CNOT6: variants seen among roughly 807,000 people sequenced by gnomAD.
CNOT6 encodes carbon catabolite repression 4 protein.
In CNOT6, 12 loss-of-function variants were observed where a neutral mutation model predicts 61.2. That is an observed-to-expected ratio of 0.20 (90% CI 0.13 to 0.32). The LOEUF (loss-of-function observed/expected upper bound fraction) is 0.32, where lower values mean the gene tolerates loss of function less well. CNOT6 is among the 10% of genes least tolerant of loss of function. The pLI is 1.00. For missense variants in CNOT6, 405 were observed against 663.9 expected (o/e 0.61, Z 4.28); for synonymous variants, 225 against 240.6 (o/e 0.94, Z 0.60).
At chr5:180,495,072 G>A (rs961405281) in intron 1 of CNOT6, among the ~76,000 whole-genome samples, 1 of 152,198 alleles carries the variant, frequency 6.6e-6, no homozygotes, top group African/African-American at 2.4e-5. Flanking sequence ...TGCCGTCGTC[G>A]GAGGAGGCGA....
intron 2 of CNOT6, among the ~76,000 whole-genome samples, chr5:180,542,254 G>A (rs972925118): frequency 1.3e-5 from 2 of 151,268 alleles, no homozygotes; most frequent in African/African-American, 4.9e-5. Context: ...TGGGTTTCTG[G>A]TTTGGGCTAC....
At chr5:180,535,417 A>T (rs1758632766) in intron 2 of CNOT6, among the ~76,000 whole-genome samples, 1 of 152,038 alleles carries the variant, frequency 6.6e-6, no homozygotes, top group African/African-American at 2.4e-5. Flanking sequence ...TCGGTATTTG[A>T]CTGTTTCTGA....
intron 2 of CNOT6, among the ~76,000 whole-genome samples, chr5:180,544,761 C>G (rs1211836959): frequency 1.3e-5 from 2 of 152,124 alleles, no homozygotes; most frequent in Non-Finnish European, 2.9e-5. Flanking sequence ...TTAGGCATAC[C>G]CTTCCCCTCT....
At position 180,564,723 on chromosome 5, in the gene CNOT6, C is replaced by T. The variant is rs1283764834; in HGVS notation, c.539C>T (p.Pro180Leu). The change falls in exon 6 of 12, where the codon CCA becomes CTA. Residue 180 changes from proline (P) to leucine (L), a missense_variant. By Grantham distance (98) the Pro-to-Leu change is moderately conservative. This residue lies in a region of CNOT6 where 212 missense variants were observed against 307.1 expected (regional missense o/e 0.69). Coordinates refer to ENST00000261951, the MANE Select transcript of CNOT6 (RefSeq NM_001370472.1). The part of the protein sequence containing the change: ...PPRSWIMLQE[P>L]DRTRPTALFS... The stretch of plus-strand genomic sequence containing the variant: ...AGGTCTTGGATTATGTTACAAGAAC[C>T]AGATAGGACAAGGCCAACTGGTTGG... 11 of 1,613,796 alleles carry T rather than the reference C, an allele frequency of 6.8e-6. No homozygotes were observed. The highest frequency in any genetic ancestry group is 9.3e-6 in the Non-Finnish European group (11 of 1,179,680).
chr5:180,511,468 G>A (rs1192424718), intron 1 of CNOT6, among the ~76,000 whole-genome samples: 17 of 152,090 alleles, frequency 1.1e-4, no homozygotes, highest in Admixed American at 6.5e-4. Flanking sequence ...AATATTAGCC[G>A]GGTGTGGTGG....
At chr5:180,514,913 T>G (rs567746558) in intron 1 of CNOT6, among the ~76,000 whole-genome samples, 1 of 152,272 alleles carries the variant, frequency 6.6e-6, no homozygotes, top group South Asian at 2.1e-4. Context: ...TGCTAGGCAT[T>G]ACACAAGACA....
chr5:180,540,646 T>C (rs1163789331), intron 2 of CNOT6, among the ~76,000 whole-genome samples: 1 of 152,244 alleles, frequency 6.6e-6, no homozygotes, highest in Admixed American at 6.5e-5. Context: ...GGTTGAGTTA[T>C]GATGTTTGGT....
intron 7 of CNOT6, 55 bp from the exon 8 acceptor site, chr5:180,567,033 A>G: frequency 6.7e-7 from 1 of 1,484,186 alleles, no homozygotes; most frequent in Non-Finnish European, 9.2e-7. Context: ...ATAGAAGTTA[A>G]TATGCAGACT....
chr5:180,570,002 AACAC>A (rs150524720), intron 10 of CNOT6, among the ~76,000 whole-genome samples: 14 of 152,216 alleles, frequency 9.2e-5, no homozygotes, highest in East Asian at 1.9e-4. Flanking sequence ...TGTACGCATG[AACAC>A]ACACACACGC....
intron 1 of CNOT6, among the ~76,000 whole-genome samples, chr5:180,514,338 C>T (rs1757538316): frequency 6.6e-6 from 1 of 152,146 alleles, no homozygotes; most frequent in Admixed American, 6.5e-5. Context: ...AGGAGAATTG[C>T]TTGAAGCTGG....
At chr5:180,530,898 T>G (rs367897938) in intron 2 of CNOT6, among the ~76,000 whole-genome samples, 2 of 148,140 alleles carry the variant, frequency 1.4e-5, no homozygotes, top group African/African-American at 5.0e-5. Context: ...GGTTATAGAT[T>G]AACAGCATCC....
chr5:180,536,401 T>TAA (rs1182642586), intron 2 of CNOT6, among the ~76,000 whole-genome samples: 1 of 152,186 alleles, frequency 6.6e-6, no homozygotes, highest in Non-Finnish European at 1.5e-5. Flanking sequence ...TCTGTAGTGT[T>TAA]AATTATCATT....
chr5:180,550,152 T>C (rs759805989), intron 3 of CNOT6, 35 bp downstream of exon 3: 2 of 1,568,122 alleles, frequency 1.3e-6, no homozygotes, highest in Non-Finnish European at 8.8e-7. Context: ...ACTAGCTATA[T>C]GACCCCTAAA....
At position 180,569,598 on chromosome 5, in the gene CNOT6, G is replaced by A. The variant is rs76921322; in HGVS notation, c.1258+258G>A. The stretch of plus-strand genomic sequence containing the variant: ...AACGTGAAATAACTCTTTAAAGAAC[G>A]TATGTAGTTCCATTTTATTACTCCA... On this transcript the variant is annotated intron_variant, in intron 10 of 11. Transcript: ENST00000261951. Among the ~76,000 whole-genome samples, 387 of 152,240 alleles carry A rather than the reference G, an allele frequency of 2.5e-3. 17 individuals are homozygous for A. In the East Asian group the frequency reaches 0.064, roughly 25 times the overall value.
chr5:180,540,344 T>C (rs1035305690), intron 2 of CNOT6, among the ~76,000 whole-genome samples: 2 of 152,204 alleles, frequency 1.3e-5, no homozygotes, highest in African/African-American at 2.4e-5. Context: ...GTTATTGATA[T>C]GATTAGGGTC....
chr5:180,524,587 A>T (rs1001292979), intron 1 of CNOT6, among the ~76,000 whole-genome samples: 1 of 152,186 alleles, frequency 6.6e-6, no homozygotes, highest in Non-Finnish European at 1.5e-5. Flanking sequence ...AAAACCAAGA[A>T]AGGGAATGGT....
At chr5:180,505,570 C>T (rs1467409718) in intron 1 of CNOT6, among the ~76,000 whole-genome samples, 10 of 107,966 alleles carry the variant, frequency 9.3e-5, no homozygotes, top group East Asian at 5.6e-4. Flanking sequence ...TTTTTTGAGA[C>T]GGAGTCTGGC....
rs1760996316 is a variant in CNOT6, at chr5:180,576,180, T to G, written c.*1980T>G. The stretch of plus-strand genomic sequence containing the variant: ...TGTAAAGTGTGAATAAAAGGTATGT[T>G]TACTCATTTTTCCTGAACACTGTGT... On this transcript the variant is annotated 3_prime_UTR_variant, in exon 12 of 12. Transcript: ENST00000261951. 6.5e-6 allele frequency: 1 copy of G among 152,736 alleles called. No individual in the cohort carries two copies. The highest frequency in any genetic ancestry group is 1.9e-4 in the East Asian group (1 of 5,192). The allele number at this position is 152,736 out of a possible 1,614,324, so 9.5% of individuals were successfully genotyped here. A position where few individuals can be genotyped will look rare whatever the true frequency, so the allele number is the denominator to read the frequency against.
At chr5:180,572,509 C>T (rs34600154) in intron 11 of CNOT6, among the ~76,000 whole-genome samples, 62 of 152,002 alleles carry the variant, frequency 4.1e-4, no homozygotes, top group Middle Eastern at 3.4e-3. Context: ...CCATTTTTAA[C>T]GTTAGTGATT....
Sources: allele counts gnomAD v4.1 joint callset (sites outside exome capture counted in the v4.1 genomes callset), GRCh38; gene constraint gnomAD v4.1.1; regional missense constraint gnomAD v4.1.1; transcripts MANE v1.5; gene names NCBI Gene and HGNC (gene_info 2026-07-23, HGNC 2026-07-21).